The following SLIT3 variants were observed in gnomAD, a reference collection of about 807,000 sequenced individuals.
The protein encoded by SLIT3 is slit guidance ligand 3.
SLIT3 carries 68 observed loss-of-function variants against 184.0 expected under a neutral mutation model. The ratio of observed to expected loss-of-function variants is 0.37; its 90% confidence interval spans 0.30 to 0.45. The LOEUF (loss-of-function observed/expected upper bound fraction) is 0.45. Ranked by LOEUF, SLIT3 falls within the 20% of genes least tolerant of loss-of-function variation. The pLI, the probability that SLIT3 is intolerant of heterozygous loss-of-function variation, is 1.00. For missense variants in SLIT3, 1,707 were observed against 2,026.0 expected, an observed-to-expected ratio of 0.84 and a Z score of 3.02; for synonymous variants, 831 against 828.6, an observed-to-expected ratio of 1.00 and a Z score of -0.05.
chr5:168,741,890 T>C (rs1444587419), intron 20 of SLIT3, among the ~76,000 whole-genome samples: 2 of 134,862 alleles, frequency 1.5e-5, no homozygotes, highest in African/African-American at 5.6e-5. Flanking sequence ...TAAATAGAGG[T>C]TGAATGAGAT....
chr5:169,273,105 C>T (rs913758217), intron 1 of SLIT3, among the ~76,000 whole-genome samples: 2 of 152,106 alleles, frequency 1.3e-5, no homozygotes, highest in African/African-American at 2.4e-5. Flanking sequence ...CCTTCTGAAC[C>T]GAGAGAGAAC....
intron 4 of SLIT3, among the ~76,000 whole-genome samples, chr5:168,933,844 C>G (rs954502332): frequency 6.6e-6 from 1 of 152,120 alleles, no homozygotes; most frequent in Non-Finnish European, 1.5e-5. Flanking sequence ...AAGAGTGATG[C>G]GCTAACAGAT....
intron 4 of SLIT3, among the ~76,000 whole-genome samples, chr5:168,885,940 C>T (rs996563517): frequency 6.6e-6 from 1 of 152,136 alleles, no homozygotes; most frequent in Admixed American, 6.5e-5. Flanking sequence ...GGAGACCTCC[C>T]ACACAGGCAA....
chr5:169,101,280 G>A (rs1027977464), intron 4 of SLIT3, among the ~76,000 whole-genome samples: 2 of 152,140 alleles, frequency 1.3e-5, no homozygotes, highest in Non-Finnish European at 2.9e-5. Context: ...GTCATTACTG[G>A]TCCCTTGAAT....
At chr5:169,033,500 T>A (rs1190934827) in intron 4 of SLIT3, among the ~76,000 whole-genome samples, 1 of 152,158 alleles carries the variant, frequency 6.6e-6, no homozygotes, top group Non-Finnish European at 1.5e-5. Flanking sequence ...TATTTTTAAT[T>A]TCCTTAGGAA....
chr5:168,765,572 A>G (rs1365725975), intron 14 of SLIT3, among the ~76,000 whole-genome samples: 1 of 152,190 alleles, frequency 6.6e-6, no homozygotes, highest in Non-Finnish European at 1.5e-5. Context: ...GGTTTCTCAG[A>G]GCCATTTGTT....
chr5:168,786,105 G>A lies in SLIT3; in HGVS notation c.1080-127C>T, dbSNP rs1005538336. 8 of 656,930 alleles carry A rather than the reference G, an allele frequency of 1.2e-5. 1 individual carries two copies. Among genetic ancestry groups the A allele is most frequent in the Middle Eastern group, 7.5e-4 (2 of 2,652 alleles). The allele number at this position is 656,930 out of a possible 1,614,324, so 40.7% of individuals were successfully genotyped here. On this transcript the variant is annotated intron_variant, in intron 11 of 35. Coordinates refer to ENST00000519560, the MANE Select transcript of SLIT3 (RefSeq NM_003062.4). ...CTCAGGACAACCCCTTCCACGGCCT[G>A]CCTAATCCCTTCTCATCAGCGAGAC...
chr5:168,925,347 C>A (rs1405672657), intron 4 of SLIT3, among the ~76,000 whole-genome samples: 1 of 152,158 alleles, frequency 6.6e-6, no homozygotes. Context: ...GCCACCCCAG[C>A]TGCCAGATCT....
chr5:169,041,856 C>G (rs181101535), intron 4 of SLIT3, among the ~76,000 whole-genome samples: 1 of 152,308 alleles, frequency 6.6e-6, no homozygotes, highest in East Asian at 1.9e-4. Context: ...CTATTTCCAG[C>G]AATCAGACGC....
chr5:169,042,352 A>G (rs186374759), intron 4 of SLIT3, among the ~76,000 whole-genome samples: 78 of 152,312 alleles, frequency 5.1e-4, no homozygotes, highest in African/African-American at 1.7e-3. Flanking sequence ...GGACTGTTCT[A>G]TATAACAAAA....
At chr5:168,994,875 T>C (rs1307731152) in intron 4 of SLIT3, among the ~76,000 whole-genome samples, 3 of 151,882 alleles carry the variant, frequency 2.0e-5, no homozygotes, top group African/African-American at 7.3e-5. Flanking sequence ...CTCCTGACTT[T>C]AAGTGATCCA....
intron 4 of SLIT3, among the ~76,000 whole-genome samples, chr5:169,094,977 A>G (rs1759725296): frequency 6.6e-6 from 1 of 152,168 alleles, no homozygotes; most frequent in South Asian, 2.1e-4. Context: ...AGGACCCAGG[A>G]TGGCTCATGA....
At chr5:168,933,847 T>C (rs1175698651) in intron 4 of SLIT3, among the ~76,000 whole-genome samples, 2 of 152,198 alleles carry the variant, frequency 1.3e-5, no homozygotes, top group African/African-American at 4.8e-5. Flanking sequence ...AGTGATGCGC[T>C]AACAGATGAT....
intron 27 of SLIT3, among the ~76,000 whole-genome samples, chr5:168,699,957 C>T (rs774222117): frequency 2.0e-5 from 3 of 152,190 alleles, no homozygotes; most frequent in South Asian, 2.1e-4. Context: ...GGAGGAAGCA[C>T]GAGGTTGGGA....
chr5:169,101,881 C>G (rs1410118835), intron 4 of SLIT3, among the ~76,000 whole-genome samples: 1 of 152,224 alleles, frequency 6.6e-6, no homozygotes, highest in African/African-American at 2.4e-5. Context: ...AGACTCAGCT[C>G]AAGGATTCTC....
At chr5:169,244,678 T>C (rs1412397728) in intron 3 of SLIT3, 27 bp downstream of exon 3, 3 of 1,596,584 alleles carry the variant, frequency 1.9e-6, no homozygotes, top group African/African-American at 2.7e-5. Flanking sequence ...ATAAATACTT[T>C]AAGAAAGGAG....
At chr5:169,127,899 T>C (rs1381332192) in intron 4 of SLIT3, among the ~76,000 whole-genome samples, 1 of 152,194 alleles carries the variant, frequency 6.6e-6, no homozygotes, top group African/African-American at 2.4e-5. Context: ...TAAAAATGTT[T>C]ATAACATTTG....
intron 4 of SLIT3, among the ~76,000 whole-genome samples, chr5:169,068,905 T>C (rs972632234): frequency 2.6e-5 from 4 of 152,098 alleles, no homozygotes; most frequent in African/African-American, 9.7e-5. Flanking sequence ...TCTAAAGTAG[T>C]GGTGACTTAG....
intron 4 of SLIT3, among the ~76,000 whole-genome samples, chr5:169,028,664 A>C (rs1179659538): frequency 6.6e-6 from 1 of 152,260 alleles, no homozygotes; most frequent in African/African-American, 2.4e-5. Flanking sequence ...TTTCCTAGGA[A>C]GAGGTCCATA....
Sources: allele counts gnomAD v4.1 joint callset (sites outside exome capture counted in the v4.1 genomes callset), GRCh38; gene constraint gnomAD v4.1.1; transcripts MANE v1.5; gene names NCBI Gene and HGNC (gene_info 2026-07-23, HGNC 2026-07-21).